The following RBM20 variants were observed in gnomAD, a reference collection of about 807,000 sequenced individuals.
RBM20 encodes RNA-binding protein 20.
RBM20 carries 51 observed loss-of-function variants against 110.1 expected under a neutral mutation model. The observed-to-expected ratio is 0.46, with a 90% confidence interval of 0.37 to 0.59. RBM20 has a LOEUF of 0.59. Ranked by LOEUF, RBM20 falls within the 20% of genes least tolerant of loss-of-function variation. The pLI, the probability that RBM20 is intolerant of heterozygous loss-of-function variation, is 0.00. For synonymous variants in RBM20, 589 were observed against 618.2 expected, an observed-to-expected ratio of 0.95 and a Z score of 0.70; for missense variants, 1,512 against 1,574.9, an observed-to-expected ratio of 0.96 and a Z score of 0.68.
At chr10:110,696,566 GT>G (rs1164996706) in intron 1 of RBM20, among the ~76,000 whole-genome samples, 1 of 152,188 alleles carries the variant, frequency 6.6e-6, no homozygotes, top group East Asian at 1.9e-4. Flanking sequence ...AGTGATGAAG[GT>G]GGGGATGAAG....
chr10:110,820,963 T>C (rs1428139005), intron 10 of RBM20, among the ~76,000 whole-genome samples: 1 of 152,230 alleles, frequency 6.6e-6, no homozygotes, highest in Non-Finnish European at 1.5e-5. Context: ...AGTAAGTATT[T>C]AGAGTTTATA....
At chr10:110,771,094 G>A (rs1844181644) in intron 1 of RBM20, among the ~76,000 whole-genome samples, 1 of 152,194 alleles carries the variant, frequency 6.6e-6, no homozygotes, top group South Asian at 2.1e-4. Flanking sequence ...AGAACACACA[G>A]CTATTATCTA....
intron 11 of RBM20, among the ~76,000 whole-genome samples, 172 bp from the exon 12 acceptor site, chr10:110,823,308 G>A (rs1310586167): frequency 6.6e-6 from 1 of 152,170 alleles, no homozygotes; most frequent in Non-Finnish European, 1.5e-5. Flanking sequence ...CCTAATGACA[G>A]TGCTTTGGTT....
chr10:110,765,756 A>C lies in RBM20; in HGVS notation c.192-15045A>C, dbSNP rs144044464. 1.5e-3 allele frequency among the ~76,000 whole-genome samples: 228 copies of C among 152,268 alleles called. 1 individual carries two copies. Among genetic ancestry groups the C allele is most frequent in the Non-Finnish European group, 2.7e-3 (181 of 68,034 alleles). On this transcript the variant is annotated intron_variant, in intron 1 of 13. Coordinates refer to ENST00000369519, the MANE Select transcript of RBM20 (RefSeq NM_001134363.3). Reference sequence around the variant, plus strand: ...TAAAACGGCATGGACGGGGTGTCTTATATCACGGAGATTTTTTTTTTAACC... The same window carrying C: ...TAAAACGGCATGGACGGGGTGTCTTCTATCACGGAGATTTTTTTTTTAACC...
At chr10:110,656,073 C>A (rs1007626874) in intron 1 of RBM20, among the ~76,000 whole-genome samples, 1 of 151,926 alleles carries the variant, frequency 6.6e-6, no homozygotes, top group Non-Finnish European at 1.5e-5. Context: ...GGCCGAGGCA[C>A]GTGGATCACC....
rs191409960 is a variant in RBM20, at chr10:110,676,054, C to T, written c.191+31409C>T. 7.7e-4 allele frequency among the ~76,000 whole-genome samples: 118 copies of T among 152,282 alleles called. 1 individual carries two copies. The Middle Eastern group carries it at 0.024, about 31-fold the overall frequency. ...TGATAATTAGCTAACGGATAGTGGG[C>T]GCTGGATTTCTTCTTCTGGAGCATC... is the stretch of plus-strand genomic sequence containing the variant. On this transcript the variant is annotated intron_variant, in intron 1 of 13. Transcript: ENST00000369519.
intron 1 of RBM20, among the ~76,000 whole-genome samples, chr10:110,693,966 T>C (rs564979225): frequency 6.6e-6 from 1 of 152,320 alleles, no homozygotes; most frequent in South Asian, 2.1e-4. Context: ...CAGTGTTATA[T>C]TTGGCTCAAA....
intron 1 of RBM20, among the ~76,000 whole-genome samples, chr10:110,686,982 T>C (rs1862514645): frequency 6.7e-6 from 1 of 149,974 alleles, no homozygotes; most frequent in East Asian, 2.0e-4. Flanking sequence ...GAGGTTGCAG[T>C]GAGCCAAGAT....
chr10:110,780,932 C>G lies in RBM20; in HGVS notation c.323C>G (p.Thr108Arg), dbSNP rs1319675739. The G allele has an allele frequency of 1.9e-6, 3 of 1,551,550 alleles. No homozygotes were observed. Among genetic ancestry groups the G allele is most frequent in the Non-Finnish European group, 2.6e-6 (3 of 1,147,004 alleles). ...LTLHRLKLAQTAVTNNTAAAT... is the reference protein window; with the variant it reads ...LTLHRLKLAQRAVTNNTAAAT... ...CTCCACCGGCTGAAGCTGGCACAGACAGCTGTCACCAACAACACTGCAGCC... is the reference window on the plus strand; with the variant it reads ...CTCCACCGGCTGAAGCTGGCACAGAGAGCTGTCACCAACAACACTGCAGCC... The change falls in exon 2 of 14, where the codon ACA becomes AGA. Residue 108 changes from threonine to arginine, a missense_variant. Physicochemically the swap from Thr to Arg is moderately conservative, Grantham distance 71. Coordinates refer to ENST00000369519, the MANE Select transcript of RBM20 (RefSeq NM_001134363.3).
chr10:110,740,416 C>T (rs1356280598), intron 1 of RBM20, among the ~76,000 whole-genome samples: 1 of 152,074 alleles, frequency 6.6e-6, no homozygotes, highest in East Asian at 1.9e-4. Context: ...CCAGCTTGGT[C>T]TGAGTGTTTC....
chr10:110,816,142 C>T (rs1348101544), intron 9 of RBM20, among the ~76,000 whole-genome samples: 3 of 152,094 alleles, frequency 2.0e-5, no homozygotes, highest in African/African-American at 7.3e-5. Context: ...ACAGGTGTTG[C>T]TGCTGCCGAG....
At chr10:110,680,882 C>A (rs998957173) in intron 1 of RBM20, among the ~76,000 whole-genome samples, 2 of 152,148 alleles carry the variant, frequency 1.3e-5, no homozygotes, top group Non-Finnish European at 2.9e-5. Flanking sequence ...CGTGTGCTCC[C>A]CTCTCCCCAC....
At chr10:110,684,634 G>A (rs1862475221) in intron 1 of RBM20, among the ~76,000 whole-genome samples, 1 of 152,154 alleles carries the variant, frequency 6.6e-6, no homozygotes, top group African/African-American at 2.4e-5. Flanking sequence ...CACTGTAGAA[G>A]TTCAGGCCAG....
intron 1 of RBM20, among the ~76,000 whole-genome samples, chr10:110,717,661 G>T (rs1863039901): frequency 6.6e-6 from 1 of 152,198 alleles, no homozygotes; most frequent in African/African-American, 2.4e-5. Flanking sequence ...GTTCACTTGT[G>T]TTCTGTAGTG....
intron 1 of RBM20, among the ~76,000 whole-genome samples, chr10:110,716,067 A>G (rs59418968): frequency 0.023 from 3,432 of 152,352 alleles, 113 homozygotes; most frequent in African/African-American, 0.074. Context: ...ATTTGTAAAA[A>G]GGGGATAATG....
chr10:110,748,284 T>C (rs1029789277), intron 1 of RBM20, among the ~76,000 whole-genome samples: 3 of 152,180 alleles, frequency 2.0e-5, no homozygotes, highest in African/African-American at 7.2e-5. Context: ...CTGTGAAACA[T>C]ATAAATAAGC....
intron 7 of RBM20, among the ~76,000 whole-genome samples, chr10:110,808,637 A>T (rs2135096363): frequency 6.6e-6 from 1 of 152,228 alleles, no homozygotes; most frequent in South Asian, 2.1e-4. Flanking sequence ...TTCATTTTGC[A>T]TCTCCATATG....
intron 1 of RBM20, among the ~76,000 whole-genome samples, chr10:110,743,764 C>T (rs111440605): frequency 6.6e-5 from 10 of 152,242 alleles, no homozygotes; most frequent in African/African-American, 2.4e-4. Flanking sequence ...CACAGATGCG[C>T]ACCATCACAC....
intron 1 of RBM20, among the ~76,000 whole-genome samples, chr10:110,710,909 G>A (rs1862916863): frequency 6.6e-6 from 1 of 152,136 alleles, no homozygotes; most frequent in African/African-American, 2.4e-5. Flanking sequence ...TTTTGCTTGG[G>A]GAACCAGAAG....
Sources: allele counts gnomAD v4.1 joint callset (sites outside exome capture counted in the v4.1 genomes callset), GRCh38; gene constraint gnomAD v4.1.1; transcripts MANE v1.5; gene names NCBI Gene and HGNC (gene_info 2026-07-23, HGNC 2026-07-21).